The following ST6GAL1 variants were observed in gnomAD, a reference collection of about 807,000 sequenced individuals.
ST6GAL1 encodes beta-galactoside alpha-2,6-sialyltransferase 1.
A neutral mutation model predicts 38.0 loss-of-function variants in ST6GAL1; 20 were observed. The ratio of observed to expected loss-of-function variants is 0.53; its 90% confidence interval spans 0.37 to 0.77. The LOEUF (loss-of-function observed/expected upper bound fraction) is 0.77. Ranked by LOEUF, ST6GAL1 falls within the 30% of genes least tolerant of loss-of-function variation. The pLI is 0.00. For missense variants in ST6GAL1, 432 were observed against 496.4 expected, an observed-to-expected ratio of 0.87 and a Z score of 1.23; for synonymous variants, 196 against 188.2, an observed-to-expected ratio of 1.04 and a Z score of -0.34.
intron 2 of ST6GAL1, among the ~76,000 whole-genome samples, chr3:186,989,466 G>A (rs1180925445): frequency 6.6e-6 from 1 of 152,172 alleles, no homozygotes; most frequent in African/African-American, 2.4e-5. Flanking sequence ...GCCACTTTTT[G>A]TTGCTACTGA....
intron 2 of ST6GAL1, among the ~76,000 whole-genome samples, chr3:186,985,439 G>C (rs1293808530): frequency 6.6e-6 from 1 of 151,198 alleles, no homozygotes; most frequent in Non-Finnish European, 1.5e-5. Context: ...TTTAAAGTGA[G>C]TAAGCGTAGA....
chr3:186,978,446 A>G (rs1442304666), intron 2 of ST6GAL1, among the ~76,000 whole-genome samples: 5 of 152,182 alleles, frequency 3.3e-5, no homozygotes, highest in Non-Finnish European at 7.3e-5. Context: ...CTCTGTTAAC[A>G]GCTTCTGGAG....
intron 2 of ST6GAL1, chr3:187,024,592 CA>C: frequency 6.6e-6 from 1 of 151,280 alleles, no homozygotes; most frequent in African/African-American, 2.4e-5. Context: ...CAAATCTCAA[CA>C]AGCCTTGAAA....
rs1314791158 is a variant in ST6GAL1 at position 187,051,324 on chromosome 3, C to T, written c.683C>T (p.Thr228Ile). The T allele has an allele frequency of 1.2e-6, 2 of 1,613,988 alleles. No homozygotes were observed. The highest frequency in any genetic ancestry group is 1.6e-4 in the Middle Eastern group (1 of 6,084). The change falls in exon 5 of 8, where the codon ACC becomes ATC. Residue 228 changes from threonine (T) to isoleucine (I), a missense_variant. Physicochemically the swap from Thr to Ile is moderately conservative, Grantham distance 89 (BLOSUM62 -1). Transcript: ENST00000169298. ...NFQQDVGTKT[T>I]IRLMNSQLVT... ...CAACAAGATGTGGGCACAAAAACTACCATTCGCCTGATGAACTCTCAGGTA... is the reference window on the plus strand; with the variant it reads ...CAACAAGATGTGGGCACAAAAACTATCATTCGCCTGATGAACTCTCAGGTA...
chr3:187,017,131 G>T (rs867704150), intron 2 of ST6GAL1, among the ~76,000 whole-genome samples: 1 of 152,144 alleles, frequency 6.6e-6, no homozygotes, highest in African/African-American at 2.4e-5. Flanking sequence ...GACTTCCTAG[G>T]TTGTGGAGGA....
rs147428583 is a variant in ST6GAL1, at chr3:187,012,284, G to A, written c.-182-26458G>A. 5.5e-3 allele frequency among the ~76,000 whole-genome samples: 839 copies of A among 151,866 alleles called. 10 individuals carry two copies. Among genetic ancestry groups the A allele is most frequent in the African/African-American group, 0.019 (796 of 41,364 alleles). On this transcript the variant is annotated intron_variant, in intron 2 of 7. Coordinates refer to ENST00000169298, the MANE Select transcript of ST6GAL1 (RefSeq NM_173216.2). ...TTTTTTTTTCTTTTTTTGAGACAGG[G>A]TCCTGCTCTGTCTCCCAGGCTGGAG...
chr3:187,069,262 G>A (rs902285640), intron 5 of ST6GAL1, among the ~76,000 whole-genome samples: 1 of 152,062 alleles, frequency 6.6e-6, no homozygotes, highest in Non-Finnish European at 1.5e-5. Context: ...AGCCTTCCAA[G>A]TAGCTGGGAT....
chr3:186,968,764 C>G (rs1447598649), intron 2 of ST6GAL1, among the ~76,000 whole-genome samples: 2 of 152,228 alleles, frequency 1.3e-5, no homozygotes, highest in East Asian at 1.9e-4. Context: ...TAGGTTGTTT[C>G]AAATTTTGGA....
At chr3:187,005,966 T>G (rs1716773165) in intron 2 of ST6GAL1, among the ~76,000 whole-genome samples, 2 of 152,092 alleles carry the variant, frequency 1.3e-5, no homozygotes, top group Non-Finnish European at 2.9e-5. Flanking sequence ...GGGGGATATC[T>G]GACCTTGAGG....
intron 2 of ST6GAL1, among the ~76,000 whole-genome samples, chr3:187,025,774 G>T (rs1408296454): frequency 6.6e-6 from 1 of 152,216 alleles, no homozygotes; most frequent in East Asian, 1.9e-4. Context: ...AATCAGTTCC[G>T]AGTGGTTGGC....
chr3:187,029,088 T>TAA (rs56166685), intron 2 of ST6GAL1, among the ~76,000 whole-genome samples: 1 of 105,978 alleles, frequency 9.4e-6, no homozygotes, highest in African/African-American at 3.5e-5. Flanking sequence ...ACCTTGTCTC[T>TAA]AAAAAAAAAA....
In ST6GAL1 at chr3:187,043,099, C is replaced by G. The variant is rs1301192864; in HGVS notation, c.396C>G (p.Gly132=). 1 of 1,614,116 alleles carries G rather than the reference C, an allele frequency of 6.2e-7. No individual in the cohort carries two copies. Among genetic ancestry groups the G allele is most frequent in the Non-Finnish European group, 8.5e-7 (1 of 1,180,050 alleles). The change falls in exon 4 of 8, where the codon GGC becomes GGG. Residue 132 remains glycine, a synonymous_variant. Coordinates refer to ENST00000169298, the MANE Select transcript of ST6GAL1 (RefSeq NM_173216.2). ...YKVSYKGPGP[G]IKFSAEALRC... is the part of the protein sequence containing the mutation. ...TGTCCTACAAGGGGCCAGGACCAGG[C>G]ATCAAGTTCAGTGCAGAGGCCCTGC... is the stretch of plus-strand genomic sequence containing the variant.
At chr3:186,965,916 C>T (rs934843347) in intron 2 of ST6GAL1, among the ~76,000 whole-genome samples, 6 of 152,008 alleles carry the variant, frequency 3.9e-5, no homozygotes, top group African/African-American at 7.2e-5. Flanking sequence ...TTTATTTTTT[C>T]GGGACAGAGT....
chr3:186,934,796 T>C (rs899304497), intron 1 of ST6GAL1, among the ~76,000 whole-genome samples: 1 of 151,756 alleles, frequency 6.6e-6, no homozygotes. Context: ...AGATGGCGTC[T>C]CGCTCTGTCA....
intron 2 of ST6GAL1, among the ~76,000 whole-genome samples, chr3:186,980,054 G>C (rs76931429): frequency 1.5e-3 from 232 of 152,294 alleles, no homozygotes; most frequent in African/African-American, 5.0e-3. Context: ...GGTTCAGAGA[G>C]GTTAAGTAAG....
At chr3:186,930,870 G>T in intron 1 of ST6GAL1, 36 bp downstream of exon 1, 1 of 153,060 alleles carries the variant, frequency 6.5e-6, no homozygotes, top group Non-Finnish European at 1.5e-5. Context: ...GGCGCGGCCC[G>T]GGCTATCCCG....
chr3:187,049,441 T>A (rs553566945), intron 4 of ST6GAL1, among the ~76,000 whole-genome samples: 1 of 152,288 alleles, frequency 6.6e-6, no homozygotes, highest in African/African-American at 2.4e-5. Context: ...TTCTATGAGA[T>A]CCAAGGGAAG....
At chr3:186,936,037 G>A (rs1190808981) in intron 1 of ST6GAL1, among the ~76,000 whole-genome samples, 1 of 152,198 alleles carries the variant, frequency 6.6e-6, no homozygotes, top group Non-Finnish European at 1.5e-5. Flanking sequence ...AGAGCATGGA[G>A]ACCCACCCAT....
chr3:187,001,676 G>A (rs574815421), intron 2 of ST6GAL1, among the ~76,000 whole-genome samples: 3 of 152,196 alleles, frequency 2.0e-5, no homozygotes, highest in Admixed American at 1.3e-4. Flanking sequence ...ACAAACAAAC[G>A]GCCGGGCTCA....
Sources: allele counts gnomAD v4.1 joint callset (sites outside exome capture counted in the v4.1 genomes callset), GRCh38; gene constraint gnomAD v4.1.1; transcripts MANE v1.5; gene names NCBI Gene and HGNC (gene_info 2026-07-23, HGNC 2026-07-21).